Variants in GIN1 observed in about 807,000 individuals in gnomAD.
GIN1 encodes gypsy retrotransposon integrase-like protein 1.
Under a neutral mutation model 51.4 loss-of-function variants are expected in GIN1, and 41 were observed. The observed-to-expected ratio is 0.80, with a 90% CI of 0.62 to 1.04. The LOEUF is 1.04. Among genes scored for constraint, GIN1 ranks in the 50% least tolerant of loss-of-function variants. The probability of loss-of-function intolerance (pLI) is 0.00; values close to 1 mark genes in which losing one functional copy is unlikely to be tolerated. For missense variants in GIN1, 610 were observed against 612.4 expected, an observed-to-expected ratio of 1.00 and a Z score of 0.04; for synonymous variants, 222 against 206.5, an observed-to-expected ratio of 1.07 and a Z score of -0.64.
At chr5:103,097,244 C>T (rs1787425570) in intron 6 of GIN1, 70 bp downstream of exon 6, 2 of 937,584 alleles carry the variant, frequency 2.1e-6, no homozygotes, top group Non-Finnish European at 1.7e-6. Context: ...CATGTATATG[C>T]TGAAATTTTA....
At chr5:103,108,914 C>T (rs73778406) in intron 1 of GIN1, among the ~76,000 whole-genome samples, 200 bp from the exon 2 acceptor site, 1,878 of 151,808 alleles carry the variant, frequency 0.012, 26 homozygotes, top group African/African-American at 0.043. Flanking sequence ...TTGATATACC[C>T]CATGACAAAT....
Position 103,096,719 on chromosome 5 carries a change from T to C in GIN1, c.1116A>G (p.Arg372=). ...FHLKVGHEVL[R]QRKNWWKDGR... ...CATCCTTCCACCAATTTTTCCTTTGTCTTAAAACTTCATGACCCACTTTTA... is the reference window on the plus strand; with the variant it reads ...CATCCTTCCACCAATTTTTCCTTTGCCTTAAAACTTCATGACCCACTTTTA... Residue 372 remains arginine, a synonymous_variant, in exon 7 of 8, where the codon AGA becomes AGG. Transcript: ENST00000399004. The C allele has an allele frequency of 1.2e-6, 2 of 1,613,994 alleles. No homozygotes were observed. Among genetic ancestry groups the C allele is most frequent in the Non-Finnish European group, 1.7e-6 (2 of 1,179,868 alleles).
At chr5:103,106,971 G>C in intron 2 of GIN1, 62 bp from the exon 3 acceptor site, 1 of 835,420 alleles carries the variant, frequency 1.2e-6, no homozygotes, top group Non-Finnish European at 1.8e-6. Flanking sequence ...AGTTTTAAGA[G>C]AATCATAGCC....
At chr5:103,105,936 T>C (rs990454833) in intron 3 of GIN1, among the ~76,000 whole-genome samples, 1 of 152,208 alleles carries the variant, frequency 6.6e-6, no homozygotes, top group African/African-American at 2.4e-5. Flanking sequence ...ATATAAATTA[T>C]GAAGGTCTTT....
At chr5:103,096,337 T>C (rs1240768275) in intron 7 of GIN1, among the ~76,000 whole-genome samples, 3 of 151,170 alleles carry the variant, frequency 2.0e-5, no homozygotes, top group East Asian at 1.9e-4. Context: ...GGAAACTCTG[T>C]CTCAAAAAAA....
At chr5:103,106,205 T>C (rs1787719694) in intron 3 of GIN1, among the ~76,000 whole-genome samples, 1 of 152,130 alleles carries the variant, frequency 6.6e-6, no homozygotes, top group Non-Finnish European at 1.5e-5. Context: ...CAATGGGTCA[T>C]AAAGTTACAA....
At position 103,087,649 on chromosome 5, in the gene GIN1, G is replaced by C; in HGVS notation, c.*249C>G. ...GGAATTTATTTCCCAAGAAGTAGGG[G>C]TGCTTTGCCTGTTCTCTTTTTAGAA... is the stretch of plus-strand genomic sequence containing the variant. On this transcript the variant is annotated 3_prime_UTR_variant, in exon 8 of 8. Transcript: ENST00000399004. The C allele has an allele frequency of 3.9e-6, 1 of 253,328 alleles. No homozygotes were observed. The highest frequency in any genetic ancestry group is 7.4e-6 in the Non-Finnish European group (1 of 135,702). The allele number at this position is 253,328 out of a possible 1,614,324, so 15.7% of individuals were successfully genotyped here. A position where few individuals can be genotyped will look rare whatever the true frequency, so the allele number is the denominator to read the frequency against.
In GIN1 at chr5:103,091,477, A is replaced by G. The variant is rs147857807; in HGVS notation, c.1295-3305T>C. Among the ~76,000 whole-genome samples, 524 of 152,332 alleles carry G rather than the reference A, an allele frequency of 3.4e-3. 10 individuals are homozygous for G. The highest frequency in any genetic ancestry group is 0.022 in the Admixed American group (330 of 15,306). On this transcript the variant is annotated intron_variant, in intron 7 of 7. Transcript: ENST00000399004. Reference sequence around the variant, plus strand: ...TTAAAGGTCTTTTCTAGTCAGCTACATTACACAGTACATTTCACTAAGTAT... The same window carrying G: ...TTAAAGGTCTTTTCTAGTCAGCTACGTTACACAGTACATTTCACTAAGTAT...
intron 7 of GIN1, among the ~76,000 whole-genome samples, chr5:103,089,491 C>G (rs549472625): frequency 2.5e-4 from 38 of 152,174 alleles, no homozygotes; most frequent in African/African-American, 7.9e-4. Flanking sequence ...TGGTCTTGCT[C>G]TGTCACCCAG....
At chr5:103,107,634 A>G (rs1291702915) in intron 2 of GIN1, among the ~76,000 whole-genome samples, 1 of 152,096 alleles carries the variant, frequency 6.6e-6, no homozygotes, top group Non-Finnish European at 1.5e-5. Flanking sequence ...AAGATAAGCA[A>G]CCTAAGAGCA....
At chr5:103,101,138 C>T (rs887105162) in intron 4 of GIN1, among the ~76,000 whole-genome samples, 4 of 152,202 alleles carry the variant, frequency 2.6e-5, no homozygotes, top group Admixed American at 6.5e-5. Flanking sequence ...AACATCACTA[C>T]TCTTGCACTT....
Position 103,097,341 on chromosome 5 carries a change from C to T in GIN1, c.981G>A (p.Met327Ile), listed in dbSNP as rs782269685. The T allele has an allele frequency of 6.3e-7, 1 of 1,598,724 alleles. No homozygotes were observed. The highest frequency in any genetic ancestry group is 8.6e-7 in the Non-Finnish European group (1 of 1,167,290). Reference sequence around the variant, plus strand: ...GGCCCAGTGAAGTTGTCTTATTCTCCATTATTTTATCAGCTTCTTTAATTG... The same window carrying T: ...GGCCCAGTGAAGTTGTCTTATTCTCTATTATTTTATCAGCTTCTTTAATTG... ...LDAIKEADKI[M>I]ENKTTSLGQM... is the part of the protein sequence containing the mutation. Residue 327 changes from methionine (M) to isoleucine (I), a missense_variant, in exon 6 of 8, where the codon ATG (methionine) becomes ATA (isoleucine). Transcript: ENST00000399004.
Position 103,117,789 on chromosome 5 carries a change from C to T in GIN1, c.-8+2275G>A, listed in dbSNP as rs1456427696. On this transcript the variant is annotated intron_variant, in intron 1 of 7. Coordinates refer to ENST00000399004, the MANE Select transcript of GIN1 (RefSeq NM_017676.2). ...AGGTATTAGTTTTATATCCATTTTA[C>T]AGGTAGGAAAATGGAGGTTCAGAGA... Among the ~76,000 whole-genome samples, 3 of 152,040 alleles carry T rather than the reference C, an allele frequency of 2.0e-5. No individual in the cohort carries two copies. The East Asian group carries it at 5.8e-4, about 29-fold the overall frequency.
chr5:103,108,460 G>T, intron 2 of GIN1, 109 bp downstream of exon 2: 1 of 699,718 alleles, frequency 1.4e-6, no homozygotes. Context: ...AATTCAACTG[G>T]TAATTGTTTA....
chr5:103,118,026 T>A (rs1212660546), intron 1 of GIN1, among the ~76,000 whole-genome samples: 2 of 152,154 alleles, frequency 1.3e-5, no homozygotes, highest in Non-Finnish European at 2.9e-5. Flanking sequence ...AAATGAGGAA[T>A]GGAAAGAGTT....
intron 4 of GIN1, chr5:103,102,674 G>A (rs1490203467): frequency 6.6e-6 from 1 of 152,150 alleles, no homozygotes; most frequent in Non-Finnish European, 1.5e-5. Flanking sequence ...CACTCTGGGA[G>A]GTCGAGGCAG....
chr5:103,089,164 T>G (rs1362660866), intron 7 of GIN1, among the ~76,000 whole-genome samples: 3 of 152,342 alleles, frequency 2.0e-5, no homozygotes, highest in Middle Eastern at 6.8e-3. Context: ...GGAGTCTTCC[T>G]GGTCAGTGTT....
At chr5:103,102,747 A>G (rs1195345445) in intron 4 of GIN1, 1 of 152,130 alleles carries the variant, frequency 6.6e-6, no homozygotes, top group Admixed American at 6.5e-5. Context: ...CCTGTCTCTA[A>G]AAGAAAAAAG....
At chr5:103,111,087 T>G (rs1224996174) in intron 1 of GIN1, among the ~76,000 whole-genome samples, 2 of 152,136 alleles carry the variant, frequency 1.3e-5, no homozygotes, top group Non-Finnish European at 2.9e-5. Flanking sequence ...TCATGAAGCC[T>G]TGTGTCGTTT....
Sources: allele counts gnomAD v4.1 joint callset (sites outside exome capture counted in the v4.1 genomes callset), GRCh38; gene constraint gnomAD v4.1.1; transcripts MANE v1.5; gene names NCBI Gene and HGNC (gene_info 2026-07-23, HGNC 2026-07-21).